The following FAM83F variants were observed in gnomAD, a reference collection of about 807,000 sequenced individuals.
FAM83F encodes the protein scaffolding CK1 anchoring protein F, also known as protein FAM83F.
A neutral mutation model predicts 42.9 loss-of-function variants in FAM83F; 45 were observed. The observed-to-expected ratio is 1.05, with a 90% confidence interval of 0.83 to 1.35. The LOEUF (loss-of-function observed/expected upper bound fraction) is 1.35, where lower values mean the gene tolerates loss of function less well. FAM83F is among the 40% of genes most tolerant of loss of function. The probability of loss-of-function intolerance (pLI) is 0.00; values close to 1 mark genes in which losing one functional copy is unlikely to be tolerated. For missense variants in FAM83F, 617 were observed against 695.9 expected (o/e 0.89, Z 1.28); for synonymous variants, 306 against 298.3 (o/e 1.03, Z -0.27).
In FAM83F at chr22:40,035,119, A is replaced by C. The variant is rs909455197; in HGVS notation, c.*5554A>C. 1.3e-5 allele frequency: 2 copies of C among 152,216 alleles called. No individual in the cohort carries two copies. The highest frequency in any genetic ancestry group is 1.3e-4 in the Admixed American group (2 of 15,280). 9.4% of individuals were successfully genotyped at this position (152,216 alleles called of 1,614,324 possible). A position where few individuals can be genotyped will look rare whatever the true frequency, so the allele number is the denominator to read the frequency against. ...CTGGTTATCTGGACCGTCCTAGAGC[A>C]CTTTCACAGTGACAGCCGGCTGGAA... is the stretch of plus-strand genomic sequence containing the variant. On this transcript the variant is annotated 3_prime_UTR_variant, in exon 5 of 5. Transcript: ENST00000333407.
chr22:40,029,766 C>T lies in FAM83F; in HGVS notation c.*201C>T, dbSNP rs1056762511. 6 of 698,992 alleles carry T rather than the reference C, an allele frequency of 8.6e-6. No individual in the cohort carries two copies. Among genetic ancestry groups the T allele is most frequent in the Non-Finnish European group, 1.1e-5 (5 of 437,194 alleles). The allele number at this position is 698,992 out of a possible 1,614,324, so 43.3% of individuals were successfully genotyped here. ...ATCTCAGTCACACGCCTCCACCGGACTGTCGGTGGCTGGGCAGGGGTCAGT... is the reference window on the plus strand; with the variant it reads ...ATCTCAGTCACACGCCTCCACCGGATTGTCGGTGGCTGGGCAGGGGTCAGT... On this transcript the variant is annotated 3_prime_UTR_variant, in exon 5 of 5. Coordinates refer to ENST00000333407, the MANE Select transcript of FAM83F (RefSeq NM_138435.4).
rs2067585015 is a variant in FAM83F, at chr22:40,031,231, G to C, written c.*1666G>C. The C allele has an allele frequency of 6.6e-6, 1 of 151,736 alleles. No individual in the cohort carries two copies. Among genetic ancestry groups the C allele is most frequent in the Non-Finnish European group, 1.5e-5 (1 of 67,948 alleles). 9.4% of individuals were successfully genotyped at this position (151,736 alleles called of 1,614,324 possible). A position where few individuals can be genotyped will look rare whatever the true frequency, so the allele number is the denominator to read the frequency against. ...AGGCAGTGTGGCATGAGCTCATTCT[G>C]GAGGGGAGGGAAGGGAGAGAGGGGG... is the stretch of plus-strand genomic sequence containing the variant. On this transcript the variant is annotated 3_prime_UTR_variant, in exon 5 of 5. Coordinates refer to ENST00000333407, the MANE Select transcript of FAM83F (RefSeq NM_138435.4).
At position 40,043,482 on chromosome 22, in the gene FAM83F, GAGC is replaced by G. The variant is rs2067661632; in HGVS notation, c.*13918_*13920del. The G allele has an allele frequency of 6.6e-6, 1 of 152,184 alleles. No homozygotes were observed. Among genetic ancestry groups the G allele is most frequent in the African/African-American group, 2.4e-5 (1 of 41,428 alleles). 9.4% of individuals were successfully genotyped at this position (152,184 alleles called of 1,614,324 possible). A position where few individuals can be genotyped will look rare whatever the true frequency, so the allele number is the denominator to read the frequency against. On this transcript the variant is annotated 3_prime_UTR_variant, in exon 5 of 5. Coordinates refer to ENST00000333407, the MANE Select transcript of FAM83F (RefSeq NM_138435.4). ...ATCAACTATCCTGGAAGATTTCCAG[GAGC>G]TGAAGGGCTGTTCTCTTTGCATGCA...
rs7286006 is a variant in FAM83F at position 40,020,021 on chromosome 22, G to A, written c.779+13G>A. 0.014 allele frequency: 22,824 copies of A among 1,605,916 alleles called. 2,029 individuals are homozygous for A. In the African/African-American group the frequency reaches 0.23, roughly 16 times the overall value. ...CTGGATCTTACAGGTGAGTTGGGCC[G>A]GATCAAAGAAGGGCCCAGGAGGCCT... On this transcript the variant is annotated intron_variant, in intron 3 of 4. Transcript: ENST00000333407.
intron 4 of FAM83F, among the ~76,000 whole-genome samples, chr22:40,024,520 C>T (rs7288948): frequency 0.064 from 9,709 of 152,236 alleles, 1,019 homozygotes; most frequent in African/African-American, 0.22. Context: ...GTCCCCTTCC[C>T]CTGGTAAATG....
rs2067366353 is a variant in FAM83F at position 39,995,105 on chromosome 22, G to T, written c.63G>T (p.Ala21=). 1 of 1,357,638 alleles carries T rather than the reference G, an allele frequency of 7.4e-7. No individual in the cohort carries two copies. The highest frequency in any genetic ancestry group is 9.4e-7 in the Non-Finnish European group (1 of 1,063,698). The allele number at this position is 1,357,638 out of a possible 1,614,324, so 84.1% of individuals were successfully genotyped here. A position where few individuals can be genotyped will look rare whatever the true frequency, so the allele number is the denominator to read the frequency against. Residue 21 remains alanine (A), a synonymous_variant, in exon 1 of 5, where the codon GCG becomes GCT. Transcript: ENST00000333407. The surrounding 1 kb of genome is among the most constrained non-coding windows in gnomAD (Gnocchi z 4.6). ...ACGTGAACGAGAAGGTGACCGAGGCGCAGGCCGCCTTCTACTACTGCGAGC... is the reference window on the plus strand; with the variant it reads ...ACGTGAACGAGAAGGTGACCGAGGCTCAGGCCGCCTTCTACTACTGCGAGC... ...EAHVNEKVTE[A]QAAFYYCERR... is the part of the protein sequence containing the mutation.
In FAM83F at chr22:40,035,704, GCAA is replaced by G. The variant is rs2067619759; in HGVS notation, c.*6140_*6142del. On this transcript the variant is annotated 3_prime_UTR_variant, in exon 5 of 5. Coordinates refer to ENST00000333407, the MANE Select transcript of FAM83F (RefSeq NM_138435.4). The stretch of plus-strand genomic sequence containing the variant: ...TGCCACCGAACAGCTAATGACCCCA[GCAA>G]GCAATTTCACATCCCCGAACTTTCC... The G allele has an allele frequency of 6.6e-6, 1 of 152,256 alleles. No individual in the cohort carries two copies. The highest frequency in any genetic ancestry group is 1.5e-5 in the Non-Finnish European group (1 of 68,094). 9.4% of individuals were successfully genotyped at this position (152,256 alleles called of 1,614,324 possible).
In FAM83F at chr22:40,020,357, A is replaced by ATT. The variant is rs552816341; in HGVS notation, c.779+371_779+372dup. 4.2e-3 allele frequency among the ~76,000 whole-genome samples: 491 copies of ATT among 116,288 alleles called. 4 individuals are homozygous for ATT. Among genetic ancestry groups the ATT allele is most frequent in the Non-Finnish European group, 5.1e-3 (286 of 56,200 alleles). The allele number at this position is 116,288 out of a possible 152,430, so 76.3% of individuals were successfully genotyped here. The stretch of plus-strand genomic sequence containing the variant: ...GTGGTGTGCAGGGAATGTCGCCAGA[A>ATT]TTTTTTTTTTTTTTTTTTTTTTTGA... On this transcript the variant is annotated intron_variant, in intron 3 of 4. Coordinates refer to ENST00000333407, the MANE Select transcript of FAM83F (RefSeq NM_138435.4).
rs737815 is a variant in FAM83F, at chr22:40,023,150, C to G, written c.1453+1187C>G. Among the ~76,000 whole-genome samples the G allele has an allele frequency of 0.22, 33,830 of 152,172 alleles. 4,371 individuals carry two copies. Among genetic ancestry groups the G allele is most frequent in the Non-Finnish European group, 0.3 (20,494 of 67,978 alleles). On this transcript the variant is annotated intron_variant, in intron 4 of 4. Coordinates refer to ENST00000333407, the MANE Select transcript of FAM83F (RefSeq NM_138435.4). This position sits in a 1 kb window ranked among gnomAD's most constrained non-coding sequence, Gnocchi z 4.1. ...GGTCCTGCACAGGCACTCTCTCTCCCCTTCTGCCCCCACAACCACCCTTCA... is the reference window on the plus strand; with the variant it reads ...GGTCCTGCACAGGCACTCTCTCTCCGCTTCTGCCCCCACAACCACCCTTCA...
rs1299873374 is a variant in FAM83F, at chr22:40,031,780, G to A, written c.*2215G>A. The A allele has an allele frequency of 1.3e-5, 2 of 152,224 alleles. No homozygotes were observed. Among genetic ancestry groups the A allele is most frequent in the Non-Finnish European group, 2.9e-5 (2 of 68,056 alleles). 9.4% of individuals were successfully genotyped at this position (152,224 alleles called of 1,614,324 possible). A position where few individuals can be genotyped will look rare whatever the true frequency, so the allele number is the denominator to read the frequency against. On this transcript the variant is annotated 3_prime_UTR_variant, in exon 5 of 5. Transcript: ENST00000333407. ...GTGTCCTCGTCCTTATAGCAGTGTGGACAAGATGGTGTCGGCACCCCCCGC... is the reference window on the plus strand; with the variant it reads ...GTGTCCTCGTCCTTATAGCAGTGTGAACAAGATGGTGTCGGCACCCCCCGC...
intron 4 of FAM83F, among the ~76,000 whole-genome samples, chr22:40,028,760 C>T (rs771921484): frequency 1.3e-5 from 2 of 152,338 alleles, no homozygotes; most frequent in Admixed American, 6.5e-5. Context: ...ACAGGCAGCG[C>T]GTTCCTCTCT....
chr22:40,038,939 C>A lies in FAM83F; in HGVS notation c.*9374C>A, dbSNP rs1478165707. 2.6e-5 allele frequency: 4 copies of A among 152,244 alleles called. No homozygotes were observed. The highest frequency in any genetic ancestry group is 9.6e-5 in the African/African-American group (4 of 41,454). The allele number at this position is 152,244 out of a possible 1,614,324, so 9.4% of individuals were successfully genotyped here. ...AACTGCTTAACCTATCTCTGCCTTACTTTCTTCATCTGTATCTACCTCAGA... is the reference window on the plus strand; with the variant it reads ...AACTGCTTAACCTATCTCTGCCTTAATTTCTTCATCTGTATCTACCTCAGA... On this transcript the variant is annotated 3_prime_UTR_variant, in exon 5 of 5. Transcript: ENST00000333407.
At chr22:40,028,071 A>T (rs9607682) in intron 4 of FAM83F, among the ~76,000 whole-genome samples, 41,756 of 152,240 alleles carry the variant, frequency 0.27, 5,975 homozygotes, top group South Asian at 0.42. Flanking sequence ...ATTTCATCCC[A>T]CTAGCAGAGC....
intron 1 of FAM83F, among the ~76,000 whole-genome samples, chr22:40,011,631 T>G (rs2067464802): frequency 6.6e-6 from 1 of 152,186 alleles, no homozygotes; most frequent in African/African-American, 2.4e-5. Context: ...ATCTCACTCT[T>G]TAACATTTTC....
At chr22:40,006,182 G>A (rs2067427498) in intron 1 of FAM83F, among the ~76,000 whole-genome samples, 1 of 151,894 alleles carries the variant, frequency 6.6e-6, no homozygotes, top group African/African-American at 2.4e-5. Flanking sequence ...AGAGGTTGTA[G>A]TAAGCAGAGA....
In FAM83F at chr22:40,021,563, GGGC is replaced by G; in HGVS notation, c.1057_1059del (p.Gly353del). The G allele has an allele frequency of 6.4e-7, 1 of 1,564,162 alleles. No individual in the cohort carries two copies. The highest frequency in any genetic ancestry group is 8.7e-7 in the Non-Finnish European group (1 of 1,150,262). The stretch of plus-strand genomic sequence containing the variant: ...GGGCTGCCCGGCAACAGCGGGAGGC[GGGC>G]GGCAACCCGGAGGGGCAGGAGGAGG... On this transcript the variant is annotated inframe_deletion, in exon 4 of 5. Coordinates refer to ENST00000333407, the MANE Select transcript of FAM83F (RefSeq NM_138435.4). The surrounding 1 kb of genome is among the most constrained non-coding windows in gnomAD (Gnocchi z 8.7).
At position 40,023,613 on chromosome 22, in the gene FAM83F, C is replaced by T. The variant is rs743840; in HGVS notation, c.1453+1650C>T. ...TCTTGTCCCTTCCCGCTGCCTTCTGCGTGTCCCTCCACATCCATGTCCCTG... is the reference window on the plus strand; with the variant it reads ...TCTTGTCCCTTCCCGCTGCCTTCTGTGTGTCCCTCCACATCCATGTCCCTG... On this transcript the variant is annotated intron_variant, in intron 4 of 4. Coordinates refer to ENST00000333407, the MANE Select transcript of FAM83F (RefSeq NM_138435.4). The surrounding 1 kb of genome is among the most constrained non-coding windows in gnomAD (Gnocchi z 4.1). Among the ~76,000 whole-genome samples the T allele has an allele frequency of 0.22, 33,938 of 152,076 alleles. 4,362 individuals carry two copies. Among genetic ancestry groups the T allele is most frequent in the Non-Finnish European group, 0.3 (20,340 of 67,946 alleles).
rs1008750037 is a variant in FAM83F, at chr22:40,021,502, C to T, written c.992C>T (p.Ser331Leu). 5 of 1,582,302 alleles carry T rather than the reference C, an allele frequency of 3.2e-6. No individual in the cohort carries two copies. The highest frequency in any genetic ancestry group is 1.3e-5 in the African/African-American group (1 of 74,290). ...ATCAACCCCAAGTACGCCTTGGTGT[C>T]AGGCTGCCGCCACCCGCCTGGGGAG... ...KLINPKYALV[S>L]GCRHPPGEMM... The change falls in exon 4 of 5, where the codon TCA becomes TTA. Residue 331 changes from serine to leucine, a missense_variant. By Grantham distance (145) the Ser-to-Leu change is moderately radical. Coordinates refer to ENST00000333407, the MANE Select transcript of FAM83F (RefSeq NM_138435.4). This position sits in a 1 kb window ranked among gnomAD's most constrained non-coding sequence, Gnocchi z 8.7.
intron 1 of FAM83F, among the ~76,000 whole-genome samples, chr22:40,007,783 T>C (rs2067444167): frequency 6.6e-6 from 1 of 152,116 alleles, no homozygotes; most frequent in Non-Finnish European, 1.5e-5. Flanking sequence ...AGAAAGTTTG[T>C]TGTTTAGTGG....
Sources: allele counts gnomAD v4.1 joint callset (sites outside exome capture counted in the v4.1 genomes callset), GRCh38; gene constraint gnomAD v4.1.1; non-coding constraint Gnocchi (gnomAD v3.1); transcripts MANE v1.5; gene names NCBI Gene and HGNC (gene_info 2026-07-23, HGNC 2026-07-21).